The following GOLPH3L variants were observed in gnomAD, a reference collection of about 807,000 sequenced individuals.
GOLPH3L encodes the protein Golgi phosphoprotein 3-like.
A neutral mutation model predicts 30.3 loss-of-function variants in GOLPH3L; 22 were observed. The ratio of observed to expected loss-of-function variants is 0.73; its 90% CI spans 0.52 to 1.04. The LOEUF is 1.04. Among genes scored for constraint, GOLPH3L ranks in the 50% least tolerant of loss-of-function variants. The pLI is 0.00. For synonymous variants in GOLPH3L, 120 were observed against 128.2 expected, an observed-to-expected ratio of 0.94 and a Z score of 0.43; for missense variants, 303 against 345.8, an observed-to-expected ratio of 0.88 and a Z score of 0.98.
rs1188375685 is a variant in GOLPH3L, at chr1:150,646,411, C to T, written c.*1910G>A. 6.6e-6 allele frequency: 1 copy of T among 152,160 alleles called. No homozygotes were observed. The highest frequency in any genetic ancestry group is 2.4e-5 in the African/African-American group (1 of 41,438). The allele number at this position is 152,160 out of a possible 1,614,324, so 9.4% of individuals were successfully genotyped here. ...ATTCAACTTCTATCTCCCAATCAAG[C>T]TATAACTTTCCACAGGAAAACCTGG... On this transcript the variant is annotated 3_prime_UTR_variant, in exon 5 of 5. Coordinates refer to ENST00000271732, the MANE Select transcript of GOLPH3L (RefSeq NM_018178.6).
chr1:150,678,692 T>A (rs1320175445), intron 2 of GOLPH3L, among the ~76,000 whole-genome samples: 1 of 152,170 alleles, frequency 6.6e-6, no homozygotes, highest in African/African-American at 2.4e-5. Flanking sequence ...TAAAAAATGA[T>A]GTTTGGCGGG....
At chr1:150,693,797 A>ATGTGTGTGTGTGTGTGTG (rs796936730) in intron 2 of GOLPH3L, among the ~76,000 whole-genome samples, 119 of 60,914 alleles carry the variant, frequency 2.0e-3, no homozygotes, top group African/African-American at 3.4e-3. Context: ...TTGTTTATGT[A>ATGTGTGTGTGTGTGTGTG]TGTGTGTGTG....
intron 2 of GOLPH3L, among the ~76,000 whole-genome samples, chr1:150,693,840 TATATATA>T (rs1440258509): frequency 1.3e-5 from 1 of 79,188 alleles, no homozygotes. Flanking sequence ...TATATATATA[TATATATA>T]TTTTTTTTTT....
chr1:150,683,462 G>C (rs1472966129), intron 2 of GOLPH3L, among the ~76,000 whole-genome samples: 1 of 149,740 alleles, frequency 6.7e-6, no homozygotes, highest in East Asian at 2.0e-4. Flanking sequence ...CGTGAACCCG[G>C]GAGGCGGAGC....
chr1:150,663,082 T>G (rs1336938134), intron 3 of GOLPH3L, among the ~76,000 whole-genome samples: 2 of 151,964 alleles, frequency 1.3e-5, no homozygotes, highest in African/African-American at 2.4e-5. Context: ...TCCCCCAGGC[T>G]GGAGTGCAGT....
In GOLPH3L at chr1:150,648,276, C is replaced by A; in HGVS notation, c.*45G>T. On this transcript the variant is annotated 3_prime_UTR_variant, in exon 5 of 5. Coordinates refer to ENST00000271732, the MANE Select transcript of GOLPH3L (RefSeq NM_018178.6). ...CAAAACTCAGTGATGGGGTCTCTGA[C>A]AGTCACCAGCCAGCAGGGGAAAAGG... The A allele has an allele frequency of 7.4e-7, 1 of 1,349,198 alleles. No individual in the cohort carries two copies. Among genetic ancestry groups the A allele is most frequent in the Admixed American group, 2.1e-5 (1 of 48,422 alleles). 83.6% of individuals were successfully genotyped at this position (1,349,198 alleles called of 1,614,324 possible).
chr1:150,692,254 T>C (rs1184236132), intron 2 of GOLPH3L, among the ~76,000 whole-genome samples: 1 of 152,202 alleles, frequency 6.6e-6, no homozygotes, highest in Admixed American at 6.5e-5. Context: ...AATCACAAAG[T>C]TTGACCTCTT....
intron 2 of GOLPH3L, 74 bp from the exon 3 acceptor site, chr1:150,663,837 A>G: frequency 7.7e-7 from 1 of 1,298,462 alleles, no homozygotes; most frequent in African/African-American, 1.5e-5. Flanking sequence ...CCCTAAGAAC[A>G]GGCCGCTTTG....
intron 2 of GOLPH3L, among the ~76,000 whole-genome samples, chr1:150,664,355 G>A (rs1191285700): frequency 6.6e-6 from 1 of 152,074 alleles, no homozygotes; most frequent in Non-Finnish European, 1.5e-5. Context: ...TTTGAAGTCT[G>A]TTTCCATGAC....
chr1:150,687,219 C>G (rs7520516), intron 2 of GOLPH3L, among the ~76,000 whole-genome samples: 125,330 of 151,614 alleles, frequency 0.83, 52,784 homozygotes, highest in Non-Finnish European at 0.9. Context: ...TTTAAGGCGG[C>G]CAATTTTCTT....
At chr1:150,674,897 A>G (rs1285676573) in intron 2 of GOLPH3L, among the ~76,000 whole-genome samples, 1 of 151,482 alleles carries the variant, frequency 6.6e-6, no homozygotes, top group African/African-American at 2.4e-5. Context: ...GTCTCAAAGG[A>G]AAAAAAAGAG....
At chr1:150,675,196 G>A (rs1650744391) in intron 2 of GOLPH3L, among the ~76,000 whole-genome samples, 1 of 151,948 alleles carries the variant, frequency 6.6e-6, no homozygotes, top group South Asian at 2.1e-4. Flanking sequence ...GATTTAAAAC[G>A]GACTTAGAAA....
chr1:150,665,527 T>C (rs1476715269), intron 2 of GOLPH3L, among the ~76,000 whole-genome samples: 3 of 152,132 alleles, frequency 2.0e-5, no homozygotes, highest in Admixed American at 2.0e-4. Context: ...AATTCAATTT[T>C]CCTCTTTATT....
chr1:150,671,206 C>T (rs1828619), intron 2 of GOLPH3L, among the ~76,000 whole-genome samples: 58,207 of 151,052 alleles, frequency 0.39, 11,507 homozygotes, highest in South Asian at 0.55. Context: ...CGTGCCACTG[C>T]ACTCCAGCCT....
chr1:150,683,016 C>A (rs991752913), intron 2 of GOLPH3L, among the ~76,000 whole-genome samples: 3 of 152,144 alleles, frequency 2.0e-5, no homozygotes, highest in Non-Finnish European at 4.4e-5. Context: ...AATATCTTTT[C>A]TCCTCTATCA....
At chr1:150,693,795 G>A (rs1287188065) in intron 2 of GOLPH3L, among the ~76,000 whole-genome samples, 5 of 83,152 alleles carry the variant, frequency 6.0e-5, no homozygotes, top group Non-Finnish European at 1.1e-4. Context: ...AATTGTTTAT[G>A]TATGTGTGTG....
At chr1:150,696,790 G>T (rs587728098) in intron 1 of GOLPH3L, among the ~76,000 whole-genome samples, 5 of 150,728 alleles carry the variant, frequency 3.3e-5, no homozygotes, top group African/African-American at 7.3e-5. Flanking sequence ...CGCGGGGCAG[G>T]GGGGGAGGGG....
intron 2 of GOLPH3L, among the ~76,000 whole-genome samples, chr1:150,673,878 T>C (rs1650701334): frequency 6.7e-6 from 1 of 149,878 alleles, no homozygotes; most frequent in African/African-American, 2.5e-5. Flanking sequence ...TGAGCCGAGA[T>C]TGTACCACTG....
intron 2 of GOLPH3L, among the ~76,000 whole-genome samples, chr1:150,665,910 GA>G (rs896687668): frequency 1.7e-4 from 26 of 152,246 alleles, no homozygotes; most frequent in African/African-American, 6.3e-4. Flanking sequence ...CATCATCCTT[GA>G]AAGATAGTTT....
Sources: allele counts gnomAD v4.1 joint callset (sites outside exome capture counted in the v4.1 genomes callset), GRCh38; gene constraint gnomAD v4.1.1; transcripts MANE v1.5; gene names NCBI Gene and HGNC (gene_info 2026-07-23, HGNC 2026-07-21).